KLK10: variants seen among roughly 807,000 people sequenced by gnomAD.
KLK10 encodes the protein kallikrein-10.
A neutral mutation model predicts 25.7 loss-of-function variants in KLK10; 27 were observed. The ratio of observed to expected loss-of-function variants is 1.05; its 90% CI spans 0.77 to 1.45. The LOEUF is 1.45. Ranked by LOEUF, KLK10 falls within the 40% of genes most tolerant of loss-of-function variation. The probability of loss-of-function intolerance (pLI) is 0.00; values close to 1 mark genes in which losing one functional copy is unlikely to be tolerated. For missense variants in KLK10, 386 were observed against 370.0 expected, an observed-to-expected ratio of 1.04 and a Z score of -0.35; for synonymous variants, 173 against 160.1, an observed-to-expected ratio of 1.08 and a Z score of -0.61.
Position 51,014,669 on chromosome 19 carries a change from C to T in KLK10, c.*131G>A, listed in dbSNP as rs1012220246. The T allele has an allele frequency of 8.4e-6, 7 of 831,028 alleles. No individual in the cohort carries two copies. In the Admixed American group the frequency reaches 1.3e-4, roughly 16 times the overall value. The allele number at this position is 831,028 out of a possible 1,614,324, so 51.5% of individuals were successfully genotyped here. Reference sequence around the variant, plus strand: ...AGATGTTTAGAGGTGTGGAGGGCGGCAGAGGTTTGAACAGTGCAGACAAGG... The same window carrying T: ...AGATGTTTAGAGGTGTGGAGGGCGGTAGAGGTTTGAACAGTGCAGACAAGG... On this transcript the variant is annotated 3_prime_UTR_variant, in exon 6 of 6. Transcript: ENST00000358789.
In KLK10 at chr19:51,016,143, G is replaced by C. The variant is rs754872155; in HGVS notation, c.283C>G (p.Arg95Gly). ...AHCGNKPLWA[R>G]VGDDHLLLLQ... ...AGCAGCAGGTGGTCATCCCCTACTCGAGCCCACAGTGGCCTGGGGGAAGGA... is the reference window on the plus strand; with the variant it reads ...AGCAGCAGGTGGTCATCCCCTACTCCAGCCCACAGTGGCCTGGGGGAAGGA... The change falls in exon 4 of 6, where the codon CGA becomes GGA. Residue 95 changes from arginine to glycine, a missense_variant. Arg to Gly is a moderately radical substitution (Grantham distance 125, BLOSUM62 -2). Transcript: ENST00000358789. 1.3e-5 allele frequency: 21 copies of C among 1,584,598 alleles called. No homozygotes were observed. The highest frequency in any genetic ancestry group is 1.5e-5 in the Non-Finnish European group (17 of 1,165,510).
At chr19:51,015,169 CTG>C (rs920303475) in intron 5 of KLK10, among the ~76,000 whole-genome samples, 1 of 150,938 alleles carries the variant, frequency 6.6e-6, no homozygotes, top group African/African-American at 2.4e-5. Context: ...CACAGTGAGA[CTG>C]GGGTTGGGAT....
intron 2 of KLK10, chr19:51,018,820 C>A (rs971562772): frequency 5.1e-6 from 3 of 583,692 alleles, no homozygotes; most frequent in Non-Finnish European, 9.2e-6. Context: ...AGCGAGGATC[C>A]GGGTGGCAGA....
intron 5 of KLK10, 69 bp from the exon 6 acceptor site, chr19:51,015,021 G>T: frequency 6.9e-7 from 1 of 1,450,450 alleles, no homozygotes; most frequent in South Asian, 1.2e-5. Context: ...GGGATCTGGG[G>T]CAGTGGTGGG....
chr19:51,017,948 C>T (rs181581047), intron 2 of KLK10, among the ~76,000 whole-genome samples: 38 of 136,748 alleles, frequency 2.8e-4, no homozygotes, highest in Non-Finnish European at 5.8e-4. Context: ...TTGCAATGAG[C>T]CGAGATTGGG....
intron 4 of KLK10, 130 bp downstream of exon 4, chr19:51,015,752 A>T (rs555236601): frequency 6.3e-6 from 7 of 1,105,852 alleles, no homozygotes; most frequent in African/African-American, 1.6e-5. Context: ...AGACCCAGGC[A>T]TCTAGGACCC....
intron 5 of KLK10, 146 bp downstream of exon 5, chr19:51,015,271 G>T: frequency 1.2e-6 from 1 of 864,076 alleles, no homozygotes; most frequent in Non-Finnish European, 1.8e-6. Flanking sequence ...GGATAGGGAT[G>T]AGGAGGGGGT....
At chr19:51,015,706 G>A (rs1326014164) in intron 4 of KLK10, 156 bp from the exon 5 acceptor site, 1 of 1,085,552 alleles carries the variant, frequency 9.2e-7, no homozygotes, top group Non-Finnish European at 1.3e-6. Context: ...AGACCCAGGA[G>A]TCCAGGCCCC....
intron 3 of KLK10, 141 bp from the exon 4 acceptor site, chr19:51,016,297 G>A (rs1355990105): frequency 7.3e-6 from 7 of 959,352 alleles, no homozygotes; most frequent in African/African-American, 3.3e-5. Context: ...TGGACATGGG[G>A]AGGAGGAATC....
rs760577784 is a variant in KLK10, at chr19:51,015,457, ATGT to A, written c.635_637del (p.Asn212del). 2 of 1,613,480 alleles carry A rather than the reference ATGT, an allele frequency of 1.2e-6. No individual in the cohort carries two copies. Among genetic ancestry groups the A allele is most frequent in the African/African-American group, 1.3e-5 (1 of 74,882 alleles). ...GCCCCGGTCCAGTCCAGCACATATC[ATGT>A]TGTTGGTGACCACGCCAGGGTAGAA... On this transcript the variant is annotated inframe_deletion, in exon 5 of 6. Coordinates refer to ENST00000358789, the MANE Select transcript of KLK10 (RefSeq NM_145888.3).
Position 51,015,875 on chromosome 19 carries a change from C to T in KLK10, c.544+7G>A. The T allele has an allele frequency of 6.5e-7, 1 of 1,532,238 alleles. No homozygotes were observed. Among genetic ancestry groups the T allele is most frequent in the East Asian group, 2.3e-5 (1 of 43,224 alleles). 94.9% of individuals were successfully genotyped at this position (1,532,238 alleles called of 1,614,324 possible). A position where few individuals can be genotyped will look rare whatever the true frequency, so the allele number is the denominator to read the frequency against. ...TGAGGTTCCGGCCTCAGAGCCCCAG[C>T]TCTTGCCTCTCCGGGCGGCCGTGGT... On this transcript the variant is annotated splice_region_variant and intron_variant, in intron 4 of 5. Transcript: ENST00000358789.
rs2091289459 is a variant in KLK10 at position 51,013,707 on chromosome 19, GAGCCACCACACCC to G, written c.*1080_*1092del. 1 of 153,738 alleles carries G rather than the reference GAGCCACCACACCC, an allele frequency of 6.5e-6. No individual in the cohort carries two copies. The highest frequency in any genetic ancestry group is 2.4e-5 in the African/African-American group (1 of 41,438). 9.5% of individuals were successfully genotyped at this position (153,738 alleles called of 1,614,324 possible). A position where few individuals can be genotyped will look rare whatever the true frequency, so the allele number is the denominator to read the frequency against. ...CCCAAAGTGCTAGGATTACAGGCGT[GAGCCACCACACCC>G]AGCGGACACTGAAGCTTCTATTAGC... On this transcript the variant is annotated 3_prime_UTR_variant, in exon 6 of 6. Transcript: ENST00000358789.
Position 51,015,997 on chromosome 19 carries a change from C to G in KLK10, c.429G>C (p.Leu143=). Residue 143 remains leucine (L), a synonymous_variant, in exon 4 of 6, where the codon CTG becomes CTC. Transcript: ENST00000358789. ...GGGGCCCCAGCACTACGGGCCTGGCCAGCTTCAGCAACATGAGATCGTGCT... is the reference window on the plus strand; with the variant it reads ...GGGGCCCCAGCACTACGGGCCTGGCGAGCTTCAGCAACATGAGATCGTGCT... ...TDEHDLMLLK[L]ARPVVLGPRV... is the part of the protein sequence containing the mutation. The G allele has an allele frequency of 6.4e-7, 1 of 1,570,212 alleles. No homozygotes were observed. The highest frequency in any genetic ancestry group is 1.2e-5 in the South Asian group (1 of 85,548).
At position 51,016,262 on chromosome 19, in the gene KLK10, G is replaced by T. The variant is rs1005830198; in HGVS notation, c.270-106C>A. Reference sequence around the variant, plus strand: ...GATAGGAAGAGTCTGAGGGAAGAGGGCCTTGTGGGAGAAGGGGACCTCAGT... The same window carrying T: ...GATAGGAAGAGTCTGAGGGAAGAGGTCCTTGTGGGAGAAGGGGACCTCAGT... On this transcript the variant is annotated intron_variant, in intron 3 of 5. Transcript: ENST00000358789. 1.2e-5 allele frequency: 16 copies of T among 1,292,636 alleles called. No individual in the cohort carries two copies. The South Asian group carries it at 1.3e-4, about 10-fold the overall frequency. The allele number at this position is 1,292,636 out of a possible 1,614,324, so 80.1% of individuals were successfully genotyped here. A position where few individuals can be genotyped will look rare whatever the true frequency, so the allele number is the denominator to read the frequency against.
At chr19:51,018,335 G>T (rs2091362459) in intron 2 of KLK10, 1 of 151,182 alleles carries the variant, frequency 6.6e-6, no homozygotes, top group Non-Finnish European at 1.5e-5. Flanking sequence ...AAGAAAGAAA[G>T]AAAAAGAAAA....
At chr19:51,016,786 G>T (rs371642881) in intron 3 of KLK10, among the ~76,000 whole-genome samples, 1 of 151,544 alleles carries the variant, frequency 6.6e-6, no homozygotes, top group Admixed American at 6.6e-5. Context: ...CTCCTTCAAC[G>T]GGGACTCACG....
Position 51,016,082 on chromosome 19 carries a change from G to C in KLK10, c.344C>G (p.Ser115Cys). ...CTGGTGGTACTTGGGATGGACAACA[G>C]AGCGAGTGGTCCGGCGGAGCTGCTC... is the stretch of plus-strand genomic sequence containing the variant. ...QGEQLRRTTR[S>C]VVHPKYHQGS... Residue 115 changes from serine to cysteine, a missense_variant, in exon 4 of 6, where the codon TCT becomes TGT. Physicochemically the swap from Ser to Cys is moderately radical, Grantham distance 112. Transcript: ENST00000358789. 6.3e-7 allele frequency: 1 copy of C among 1,575,702 alleles called. No individual in the cohort carries two copies. The highest frequency in any genetic ancestry group is 1.2e-5 in the South Asian group (1 of 86,128).
chr19:51,017,207 G>C lies in KLK10; in HGVS notation c.172C>G (p.Pro58Ala). ...YGSPCARGSQ[P>A]WQVSLFNGLS... ...CCGTTGAAGAGCGAGACCTGCCAGG[G>C]CTGCGAGCCGCGCGCGCACGGGGAG... Residue 58 changes from proline to alanine, a missense_variant, in exon 3 of 6, where the codon CCC (proline) becomes GCC (alanine). Physicochemically the swap from Pro to Ala is conservative, Grantham distance 27 (BLOSUM62 -1). Transcript: ENST00000358789. The C allele has an allele frequency of 6.2e-7, 1 of 1,612,160 alleles. No individual in the cohort carries two copies. Among genetic ancestry groups the C allele is most frequent in the Non-Finnish European group, 8.5e-7 (1 of 1,179,576 alleles).
Position 51,016,143 on chromosome 19 carries a change from G to T in KLK10, c.283C>A (p.Arg95=). ...AHCGNKPLWA[R]VGDDHLLLLQ... ...AGCAGCAGGTGGTCATCCCCTACTCGAGCCCACAGTGGCCTGGGGGAAGGA... is the reference window on the plus strand; with the variant it reads ...AGCAGCAGGTGGTCATCCCCTACTCTAGCCCACAGTGGCCTGGGGGAAGGA... The change falls in exon 4 of 6, where the codon CGA becomes AGA. Residue 95 remains arginine (R), a synonymous_variant. Coordinates refer to ENST00000358789, the MANE Select transcript of KLK10 (RefSeq NM_145888.3). 1.9e-6 allele frequency: 3 copies of T among 1,584,716 alleles called. No individual in the cohort carries two copies. Among genetic ancestry groups the T allele is most frequent in the Non-Finnish European group, 2.6e-6 (3 of 1,165,502 alleles).
Sources: allele counts gnomAD v4.1 joint callset (sites outside exome capture counted in the v4.1 genomes callset), GRCh38; gene constraint gnomAD v4.1.1; transcripts MANE v1.5; gene names NCBI Gene and HGNC (gene_info 2026-07-23, HGNC 2026-07-21).